Variants in WDR70 observed in about 807,000 individuals in gnomAD.
The protein encoded by WDR70 is WD repeat domain 70.
Under a neutral mutation model 88.6 loss-of-function variants are expected in WDR70, and 53 were observed. That is an observed-to-expected ratio of 0.60 (90% CI 0.48 to 0.75). The LOEUF (loss-of-function observed/expected upper bound fraction) is 0.75. WDR70 is among the 30% of genes least tolerant of loss of function. The pLI, the probability that WDR70 is intolerant of heterozygous loss-of-function variation, is 0.00. For missense variants in WDR70, 610 were observed against 823.2 expected, an observed-to-expected ratio of 0.74 and a Z score of 3.17; for synonymous variants, 280 against 270.0, an observed-to-expected ratio of 1.04 and a Z score of -0.36.
Position 37,752,556 on chromosome 5 carries a change from A to G in WDR70, c.1948A>G (p.Lys650Glu). 6.2e-7 allele frequency: 1 copy of G among 1,612,278 alleles called. No individual in the cohort carries two copies. Among genetic ancestry groups the G allele is most frequent in the Non-Finnish European group, 8.5e-7 (1 of 1,178,964 alleles). Residue 650 changes from lysine to glutamate, a missense_variant, in exon 18 of 18, where the codon AAA (lysine) becomes GAA (glutamate). This residue lies in a region of WDR70 where 70 missense variants were observed against 139.2 expected (regional missense o/e 0.50). Coordinates refer to ENST00000265107, the MANE Select transcript of WDR70 (RefSeq NM_018034.4). ...DEEAKNEPEW[K>E]KRKI ...GGAAGCAAAGAATGAGCCAGAATGGAAAAAACGTAAAATTTGAAGAATCTC... is the reference window on the plus strand; with the variant it reads ...GGAAGCAAAGAATGAGCCAGAATGGGAAAAACGTAAAATTTGAAGAATCTC...
chr5:37,415,909 G>A (rs540094929), intron 5 of WDR70, among the ~76,000 whole-genome samples: 1 of 151,214 alleles, frequency 6.6e-6, no homozygotes, highest in African/African-American at 2.4e-5. Context: ...CATCTCAGAC[G>A]ATGGGCCGCC....
Position 37,443,222 on chromosome 5 carries a change from T to C in WDR70, c.553-17T>C. 6.3e-7 allele frequency: 1 copy of C among 1,584,160 alleles called. No homozygotes were observed. Among genetic ancestry groups the C allele is most frequent in the South Asian group, 1.1e-5 (1 of 88,348 alleles). ...TCATTTTGCTCCGGTCATTTTATTTTATTTTTTTAAAACCAGGTGTCTGCT... is the reference window on the plus strand; with the variant it reads ...TCATTTTGCTCCGGTCATTTTATTTCATTTTTTTAAAACCAGGTGTCTGCT... On this transcript the variant is annotated splice_polypyrimidine_tract_variant and intron_variant, in intron 6 of 17. Coordinates refer to ENST00000265107, the MANE Select transcript of WDR70 (RefSeq NM_018034.4).
At chr5:37,707,827 T>C (rs1040970734) in intron 13 of WDR70, among the ~76,000 whole-genome samples, 11 of 147,238 alleles carry the variant, frequency 7.5e-5, no homozygotes, top group African/African-American at 1.3e-4. Context: ...GGCAGGAGAA[T>C]AGCTTGAACC....
intron 10 of WDR70, among the ~76,000 whole-genome samples, chr5:37,663,586 A>G (rs568894702): frequency 4.1e-4 from 63 of 152,090 alleles, no homozygotes; most frequent in African/African-American, 1.3e-3. Context: ...GGTGTTTTCA[A>G]ACTTCCCCAA....
chr5:37,572,675 C>T (rs1379986148), intron 9 of WDR70, among the ~76,000 whole-genome samples: 1 of 152,120 alleles, frequency 6.6e-6, no homozygotes, highest in African/African-American at 2.4e-5. Flanking sequence ...ATCAGTGCAC[C>T]TTACTCACTA....
At chr5:37,662,648 G>A (rs1165488422) in intron 10 of WDR70, among the ~76,000 whole-genome samples, 1 of 152,052 alleles carries the variant, frequency 6.6e-6, no homozygotes, top group Admixed American at 6.6e-5. Flanking sequence ...TTGTTTATTA[G>A]GAAAAGCTGG....
At chr5:37,502,039 AT>A (rs2112221722) in intron 8 of WDR70, among the ~76,000 whole-genome samples, 1 of 152,266 alleles carries the variant, frequency 6.6e-6, no homozygotes, top group Admixed American at 6.5e-5. Flanking sequence ...GATCATTTTC[AT>A]GATATTGGTT....
At chr5:37,746,571 AAAT>A (rs1447598391) in intron 17 of WDR70, among the ~76,000 whole-genome samples, 3 of 152,336 alleles carry the variant, frequency 2.0e-5, no homozygotes, top group Admixed American at 6.5e-5. Context: ...ATGCAATAAA[AAAT>A]AATAAAAGGG....
At chr5:37,647,603 C>T (rs1204199519) in intron 10 of WDR70, among the ~76,000 whole-genome samples, 1 of 152,232 alleles carries the variant, frequency 6.6e-6, no homozygotes, top group Non-Finnish European at 1.5e-5. Context: ...GCACCCCAAA[C>T]CCTGTAATGT....
chr5:37,665,537 A>C (rs1203555068), intron 10 of WDR70, among the ~76,000 whole-genome samples: 1 of 152,222 alleles, frequency 6.6e-6, no homozygotes, highest in African/African-American at 2.4e-5. Flanking sequence ...GGTTGCCACA[A>C]CAAAGTCAGC....
chr5:37,450,495 G>A (rs758808572), intron 7 of WDR70, among the ~76,000 whole-genome samples: 9 of 152,106 alleles, frequency 5.9e-5, no homozygotes, highest in Non-Finnish European at 1.3e-4. Flanking sequence ...CTCTAATCCA[G>A]TACTATGTTG....
At chr5:37,477,885 G>T (rs7725049) in intron 7 of WDR70, among the ~76,000 whole-genome samples, 130,119 of 152,146 alleles carry the variant, frequency 0.86, 59,253 homozygotes, top group East Asian at 1. Flanking sequence ...ATTTAGACCA[G>T]GGATCAACAT....
chr5:37,428,069 T>G lies in WDR70; in HGVS notation c.493-9853T>G, dbSNP rs75129456. On this transcript the variant is annotated intron_variant, in intron 5 of 17. Transcript: ENST00000265107. ...CAGCCTTTTGGACCATCACCTAGAC[T>G]TGTTGAATTTATGAGGGCAACAAGC... Among the ~76,000 whole-genome samples, 641 of 151,964 alleles carry G rather than the reference T, an allele frequency of 4.2e-3. 16 individuals are homozygous for G. The highest frequency in any genetic ancestry group is 0.039 in the East Asian group (202 of 5,138).
chr5:37,427,160 C>T (rs1405028210), intron 5 of WDR70, among the ~76,000 whole-genome samples: 3 of 151,936 alleles, frequency 2.0e-5, no homozygotes, highest in Admixed American at 6.6e-5. Context: ...GAGGCTGAGG[C>T]GGGCGGATCA....
chr5:37,459,110 G>GCCGCATATCTACAACTATCTGATC (rs1435352230), intron 7 of WDR70, among the ~76,000 whole-genome samples: 16 of 60,704 alleles, frequency 2.6e-4, no homozygotes, highest in East Asian at 4.6e-4. Flanking sequence ...GGAGCAGGTT[G>GCCGCATATCTACAACTATCTGATC]TTCAGTTTCC....
At chr5:37,557,959 T>TTTGAAAACACTTCAAA in intron 9 of WDR70, among the ~76,000 whole-genome samples, 1 of 146,506 alleles carries the variant, frequency 6.8e-6, no homozygotes, top group Middle Eastern at 3.4e-3. Flanking sequence ...AAAAGAGTAT[T>TTTGAAAACACTTCAAA]ATGTATATTT....
rs1466102342 is a variant in WDR70 at position 37,396,421 on chromosome 5, G to T, written c.343G>T (p.Asp115Tyr). The T allele has an allele frequency of 6.2e-7, 1 of 1,613,818 alleles. No homozygotes were observed. Among genetic ancestry groups the T allele is most frequent in the East Asian group, 2.2e-5 (1 of 44,860 alleles). The change falls in exon 5 of 18, where the codon GAT becomes TAT. Residue 115 changes from aspartate (D) to tyrosine (Y), a missense_variant. Physicochemically the swap from Asp to Tyr is radical, Grantham distance 160 (BLOSUM62 -3). Coordinates refer to ENST00000265107, the MANE Select transcript of WDR70 (RefSeq NM_018034.4). Reference protein sequence around the residue: ...ESEQSSDSSDDELIGPPLPPK... With the variant: ...ESEQSSDSSDYELIGPPLPPK... ...TGAACAGAGTTCTGACTCTTCTGATGATGAGTTAATTGGCCCTCCTTTACC... is the reference window on the plus strand; with the variant it reads ...TGAACAGAGTTCTGACTCTTCTGATTATGAGTTAATTGGCCCTCCTTTACC...
chr5:37,679,333 C>T lies in WDR70; in HGVS notation c.1093-18322C>T, dbSNP rs562285457. Among the ~76,000 whole-genome samples the T allele has an allele frequency of 1.6e-3, 249 of 151,738 alleles. 1 individual carries two copies. The highest frequency in any genetic ancestry group is 5.6e-3 in the African/African-American group (232 of 41,330). ...CTGCTTTTTAGAGTTTCCAGTTTTTCTGCTCTGTTTTTTCCCCATCTTTAT... is the reference window on the plus strand; with the variant it reads ...CTGCTTTTTAGAGTTTCCAGTTTTTTTGCTCTGTTTTTTCCCCATCTTTAT... On this transcript the variant is annotated intron_variant, in intron 10 of 17. Transcript: ENST00000265107.
At chr5:37,440,492 C>T (rs1750620891) in intron 6 of WDR70, among the ~76,000 whole-genome samples, 1 of 152,106 alleles carries the variant, frequency 6.6e-6, no homozygotes, top group Non-Finnish European at 1.5e-5. Context: ...ATTACTGGCG[C>T]TCGCCACAAC....
Sources: allele counts gnomAD v4.1 joint callset (sites outside exome capture counted in the v4.1 genomes callset), GRCh38; gene constraint gnomAD v4.1.1; regional missense constraint gnomAD v4.1.1; transcripts MANE v1.5; gene names NCBI Gene and HGNC (gene_info 2026-07-23, HGNC 2026-07-21).